The following PARD3 variants were observed in gnomAD, a reference collection of about 807,000 sequenced individuals.
PARD3 encodes the protein partitioning defective 3 homolog.
Under a neutral mutation model 155.4 loss-of-function variants are expected in PARD3, and 75 were observed. That is an observed-to-expected ratio of 0.48 (90% CI 0.40 to 0.58). The LOEUF is 0.58. Ranked by LOEUF, PARD3 falls within the 20% of genes least tolerant of loss-of-function variation. The probability of loss-of-function intolerance (pLI) is 0.00; values close to 1 mark genes in which losing one functional copy is unlikely to be tolerated. For synonymous variants in PARD3, 576 were observed against 610.5 expected (o/e 0.94, Z 0.83); for missense variants, 1,642 against 1,721.7 (o/e 0.95, Z 0.82).
chr10:34,797,444 A>C (rs961751321), intron 1 of PARD3, among the ~76,000 whole-genome samples: 4 of 152,134 alleles, frequency 2.6e-5, no homozygotes, highest in African/African-American at 9.7e-5. Context: ...GAGGCACCGC[A>C]CCTGGCCAAA....
intron 14 of PARD3, among the ~76,000 whole-genome samples, chr10:34,353,165 G>T (rs972870352): frequency 6.6e-6 from 1 of 152,132 alleles, no homozygotes; most frequent in East Asian, 1.9e-4. Context: ...CGCCCCGTCC[G>T]GGAGGGAGGT....
intron 6 of PARD3, 100 bp from the exon 7 acceptor site, chr10:34,399,513 A>G: frequency 1.3e-6 from 1 of 766,118 alleles, no homozygotes; most frequent in South Asian, 1.5e-5. Context: ...CAGACACACA[A>G]TAAACAACAA....
At chr10:34,687,888 T>TCTGTTGC (rs2093978903) in intron 2 of PARD3, among the ~76,000 whole-genome samples, 1 of 118,284 alleles carries the variant, frequency 8.5e-6, no homozygotes, top group South Asian at 3.2e-4. Flanking sequence ...AGGGTCTCAC[T>TCTGTTGC]CTGTTGCCCA....
chr10:34,383,420 A>ACTATAGAAAG (rs1842052308), intron 8 of PARD3, among the ~76,000 whole-genome samples: 1 of 123,676 alleles, frequency 8.1e-6, no homozygotes, highest in Admixed American at 7.8e-5. Flanking sequence ...CACTTAGAAG[A>ACTATAGAAAG]CTATAGAAAG....
At chr10:34,284,315 C>T (rs1956289048) in intron 20 of PARD3, 70 bp from the exon 21 acceptor site, 2 of 840,224 alleles carry the variant, frequency 2.4e-6, no homozygotes, top group Non-Finnish European at 3.9e-6. Context: ...GTGGTAATGA[C>T]ATATACCCAA....
intron 2 of PARD3, among the ~76,000 whole-genome samples, chr10:34,570,385 T>A (rs2086293694): frequency 6.6e-6 from 1 of 152,240 alleles, no homozygotes; most frequent in East Asian, 1.9e-4. Context: ...ACTAATATAT[T>A]CTTACTAGAT....
intron 5 of PARD3, among the ~76,000 whole-genome samples, chr10:34,419,985 T>C (rs1846038327): frequency 6.6e-6 from 1 of 152,244 alleles, no homozygotes; most frequent in Non-Finnish European, 1.5e-5. Flanking sequence ...CTTGCTTAGC[T>C]CTGTCAGCCA....
At position 34,450,361 on chromosome 10, in the gene PARD3, C is replaced by T. The variant is rs2076991369; in HGVS notation, c.670G>A (p.Ala224Thr). ...CACTTGCCCACCATTGGGTGACTGG[C>T]ACTCAGAGACGAGCGAGCATTGTCT... ...QRDNARSSLS[A>T]SHPMVGKWLE... is the part of the protein sequence containing the mutation. Residue 224 changes from alanine to threonine, a missense_variant, in exon 5 of 25, where the codon GCC (alanine) becomes ACC (threonine). By Grantham distance (58) the Ala-to-Thr change is moderately conservative. Transcript: ENST00000374788. 1.2e-6 allele frequency: 2 copies of T among 1,613,948 alleles called. No homozygotes were observed.
intron 22 of PARD3, among the ~76,000 whole-genome samples, chr10:34,212,256 T>C (rs1264526391): frequency 1.3e-5 from 2 of 152,172 alleles, no homozygotes; most frequent in South Asian, 2.1e-4. Flanking sequence ...ACTTCTCCAG[T>C]AGAGATTTCT....
chr10:34,679,755 C>T (rs142847871), intron 2 of PARD3, among the ~76,000 whole-genome samples: 10 of 152,202 alleles, frequency 6.6e-5, no homozygotes, highest in Admixed American at 2.0e-4. Context: ...AAGTTGAGCT[C>T]GAGAACAGGT....
intron 1 of PARD3, among the ~76,000 whole-genome samples, chr10:34,767,543 C>T (rs1368578463): frequency 6.6e-6 from 1 of 152,038 alleles, no homozygotes; most frequent in Non-Finnish European, 1.5e-5. Flanking sequence ...TCCAAAAAGA[C>T]TTTGGTATGC....
At chr10:34,343,784 T>C (rs1210169482) in intron 15 of PARD3, 14 of 984,234 alleles carry the variant, frequency 1.4e-5, no homozygotes, top group African/African-American at 1.7e-5. Flanking sequence ...AGGTAAACTT[T>C]CCTCTATCTT....
chr10:34,661,649 C>T (rs2133151664), intron 2 of PARD3, among the ~76,000 whole-genome samples: 1 of 152,328 alleles, frequency 6.6e-6, no homozygotes, highest in Admixed American at 6.5e-5. Context: ...CCTATTTATT[C>T]ATCTGCAGCA....
intron 22 of PARD3, among the ~76,000 whole-genome samples, chr10:34,263,110 T>C (rs978775890): frequency 6.6e-6 from 1 of 152,262 alleles, no homozygotes; most frequent in African/African-American, 2.4e-5. Flanking sequence ...TTCAATTTCA[T>C]TCCTTGCTTG....
intron 3 of PARD3, among the ~76,000 whole-genome samples, chr10:34,472,207 C>T (rs1200970410): frequency 6.6e-6 from 1 of 152,150 alleles, no homozygotes; most frequent in Non-Finnish European, 1.5e-5. Flanking sequence ...TGGTGGCTAT[C>T]TTAATGTGCT....
chr10:34,717,388 C>T (rs1419619965), intron 1 of PARD3, among the ~76,000 whole-genome samples: 1 of 152,096 alleles, frequency 6.6e-6, no homozygotes, highest in Non-Finnish European at 1.5e-5. Flanking sequence ...CCATTCCTAC[C>T]AACACATAAT....
chr10:34,766,693 A>G (rs934683761), intron 1 of PARD3, among the ~76,000 whole-genome samples: 10 of 141,548 alleles, frequency 7.1e-5, no homozygotes, highest in African/African-American at 2.6e-4. Flanking sequence ...GAGGAAAAAA[A>G]GCAGGGGTAT....
chr10:34,627,375 A>T, intron 2 of PARD3, among the ~76,000 whole-genome samples: 1 of 152,180 alleles, frequency 6.6e-6, no homozygotes, highest in Non-Finnish European at 1.5e-5. Context: ...CGACAAAAAA[A>T]TATGTGAAGT....
At chr10:34,761,639 C>T (rs1837448891) in intron 1 of PARD3, among the ~76,000 whole-genome samples, 1 of 152,124 alleles carries the variant, frequency 6.6e-6, no homozygotes, top group South Asian at 2.1e-4. Flanking sequence ...TAAAATGATT[C>T]AGCATTCCTC....
Sources: allele counts gnomAD v4.1 joint callset (sites outside exome capture counted in the v4.1 genomes callset), GRCh38; gene constraint gnomAD v4.1.1; transcripts MANE v1.5; gene names NCBI Gene and HGNC (gene_info 2026-07-23, HGNC 2026-07-21).